ATAD1: variants seen among roughly 807,000 people sequenced by gnomAD.
The protein encoded by ATAD1 is ATPase family AAA domain containing 1.
A neutral mutation model predicts 42.7 loss-of-function variants in ATAD1; 18 were observed. The ratio of observed to expected loss-of-function variants is 0.42; its 90% confidence interval spans 0.29 to 0.63. ATAD1 has a LOEUF of 0.63. Ranked by LOEUF, ATAD1 falls within the 20% of genes least tolerant of loss-of-function variation. The probability of loss-of-function intolerance (pLI) is 0.19; values close to 1 mark genes in which losing one functional copy is unlikely to be tolerated. For synonymous variants in ATAD1, 132 were observed against 143.1 expected (o/e 0.92, Z 0.55); for missense variants, 294 against 440.4 (o/e 0.67, Z 2.98).
chr10:87,779,983 A>G (rs1855490260), intron 5 of ATAD1, among the ~76,000 whole-genome samples: 1 of 152,234 alleles, frequency 6.6e-6, no homozygotes, highest in Non-Finnish European at 1.5e-5. Flanking sequence ...TATTTCACCC[A>G]GTTGAGATGC....
chr10:87,833,645 G>A (rs929040456), intron 1 of ATAD1, among the ~76,000 whole-genome samples: 4 of 146,432 alleles, frequency 2.7e-5, no homozygotes, highest in African/African-American at 1.0e-4. Context: ...TTCTACCCTC[G>A]TCTGCTGAGA....
chr10:87,773,142 A>G (rs2131825621), intron 6 of ATAD1, among the ~76,000 whole-genome samples: 1 of 152,282 alleles, frequency 6.6e-6, no homozygotes, highest in Non-Finnish European at 1.5e-5. Context: ...CTGCACATAT[A>G]CCCCTGAATT....
chr10:87,784,674 G>A lies in ATAD1; in HGVS notation c.383-4C>T, dbSNP rs1855740361. The A allele has an allele frequency of 6.2e-7, 1 of 1,611,010 alleles. No homozygotes were observed. The highest frequency in any genetic ancestry group is 1.3e-5 in the African/African-American group (1 of 74,814). On this transcript the variant is annotated splice_region_variant and splice_polypyrimidine_tract_variant and intron_variant, in intron 4 of 9. Transcript: ENST00000680024. Reference sequence around the variant, plus strand: ...GGAGGCCCATAGAGAAGAACACCTGGAAATGAATATGTTATTTATTACCTT... The same window carrying A: ...GGAGGCCCATAGAGAAGAACACCTGAAAATGAATATGTTATTTATTACCTT...
chr10:87,807,497 AG>A (rs1856981062), intron 2 of ATAD1, among the ~76,000 whole-genome samples: 1 of 152,192 alleles, frequency 6.6e-6, no homozygotes, highest in South Asian at 2.1e-4. Context: ...AGGGGTGAAA[AG>A]GTATATCAAT....
chr10:87,792,928 G>T (rs1347301130), intron 2 of ATAD1, among the ~76,000 whole-genome samples, 173 bp from the exon 3 acceptor site: 1 of 152,154 alleles, frequency 6.6e-6, no homozygotes, highest in African/African-American at 2.4e-5. Context: ...CTCAGGTAAC[G>T]ATTTGAGGCT....
intron 1 of ATAD1, among the ~76,000 whole-genome samples, chr10:87,840,821 G>A (rs943312711): frequency 1.1e-4 from 16 of 152,124 alleles, no homozygotes; most frequent in South Asian, 8.3e-4. Context: ...ATACCAAAGC[G>A]TAGAAAGAAC....
chr10:87,756,910 C>T lies in ATAD1; in HGVS notation c.844G>A (p.Val282Ile), dbSNP rs1589454133. 1 of 1,599,964 alleles carries T rather than the reference C, an allele frequency of 6.3e-7. No homozygotes were observed. Among genetic ancestry groups the T allele is most frequent in the Non-Finnish European group, 8.5e-7 (1 of 1,175,716 alleles). The change falls in exon 9 of 10, where the codon GTA becomes ATA. Residue 282 changes from valine (V) to isoleucine (I), a missense_variant. By Grantham distance (29) the Val-to-Ile change is conservative. Around this residue, in one of 3 missense-constraint regions of ATAD1, gnomAD observed 142 missense variants for 174.6 expected, o/e 0.81. Coordinates refer to ENST00000680024, the MANE Select transcript of ATAD1 (RefSeq NM_001321967.2). ...ILKNENVDRHVDLLEVAQETD... is the reference protein window; with the variant it reads ...ILKNENVDRHIDLLEVAQETD... The stretch of plus-strand genomic sequence containing the variant: ...TCCTGGGCAACTTCTAGCAGGTCTA[C>T]ATGCCTATCCACCTTAAACAAATAT...
intron 2 of ATAD1, among the ~76,000 whole-genome samples, chr10:87,804,164 C>G (rs1856823860): frequency 6.6e-6 from 1 of 152,138 alleles, no homozygotes; most frequent in Non-Finnish European, 1.5e-5. Flanking sequence ...TCAGTACACT[C>G]CTTCACAGAA....
intron 7 of ATAD1, among the ~76,000 whole-genome samples, chr10:87,769,621 C>T (rs1854933509): frequency 6.6e-6 from 1 of 152,160 alleles, no homozygotes; most frequent in Non-Finnish European, 1.5e-5. Flanking sequence ...CAGATCCTAG[C>T]AGGTCTGTGA....
At chr10:87,782,932 A>G (rs895441874) in intron 5 of ATAD1, among the ~76,000 whole-genome samples, 1 of 152,034 alleles carries the variant, frequency 6.6e-6, no homozygotes, top group African/African-American at 2.4e-5. Context: ...GGGGAGGTCA[A>G]GGTTGCAGTG....
intron 1 of ATAD1, among the ~76,000 whole-genome samples, chr10:87,838,901 CCATT>C: frequency 6.6e-6 from 1 of 152,216 alleles, no homozygotes; most frequent in African/African-American, 2.4e-5. Context: ...GCTGTTTTCG[CCATT>C]CAGTCTATGG....
chr10:87,761,287 C>G (rs1854472411), intron 8 of ATAD1, among the ~76,000 whole-genome samples: 1 of 152,110 alleles, frequency 6.6e-6, no homozygotes, highest in East Asian at 1.9e-4. Context: ...CAGCAATTAT[C>G]CAGAGAGCAT....
intron 2 of ATAD1, among the ~76,000 whole-genome samples, chr10:87,804,039 G>C (rs1856817685): frequency 6.6e-6 from 1 of 152,184 alleles, no homozygotes; most frequent in Non-Finnish European, 1.5e-5. Context: ...ACTGGCAATG[G>C]AGTTCACAAC....
chr10:87,759,756 T>C (rs1323319592), intron 8 of ATAD1: 1 of 455,866 alleles, frequency 2.2e-6, no homozygotes, highest in Non-Finnish European at 4.4e-6. Flanking sequence ...GGCAAGTTAT[T>C]ACAAAACTTC....
chr10:87,778,420 C>A (rs572993546), intron 5 of ATAD1, among the ~76,000 whole-genome samples: 2 of 152,054 alleles, frequency 1.3e-5, no homozygotes, highest in Non-Finnish European at 2.9e-5. Flanking sequence ...AGAAGTGTTT[C>A]AAATTTCAGA....
intron 2 of ATAD1, among the ~76,000 whole-genome samples, chr10:87,793,638 A>G (rs745833375): frequency 6.6e-6 from 1 of 152,184 alleles, no homozygotes; most frequent in East Asian, 1.9e-4. Context: ...ACTACCACAC[A>G]TATTTGCCCT....
rs115867501 is a variant in ATAD1 at position 87,824,920 on chromosome 10, G to A, written c.-13-10308C>T. ...AAAACCTGTAAGATTTCATCCCTAC[G>A]ACCCAAAGATAATAAAGTTTAACGT... On this transcript the variant is annotated intron_variant, in intron 1 of 4. Transcript: ENST00000495903. Among the ~76,000 whole-genome samples the A allele has an allele frequency of 1.5e-3, 233 of 152,156 alleles. 1 individual carries two copies. The highest frequency in any genetic ancestry group is 4.6e-3 in the African/African-American group (190 of 41,508).
At chr10:87,776,565 C>T (rs530506320) in intron 5 of ATAD1, 138 bp from the exon 6 acceptor site, 15 of 602,154 alleles carry the variant, frequency 2.5e-5, no homozygotes, top group Non-Finnish European at 4.4e-5. Context: ...AACTCCCAGG[C>T]TTAAGTGATC....
intron 1 of ATAD1, chr10:87,817,700 T>C (rs987366973): frequency 2.0e-6 from 2 of 982,880 alleles, no homozygotes; most frequent in South Asian, 4.7e-5. Context: ...CAGGTTATTA[T>C]TAACATCACC....
Sources: gnomAD v4.1 joint callset for allele counts (sites outside exome capture counted in the v4.1 genomes callset) on GRCh38, gnomAD v4.1.1 for gene constraint, gnomAD v4.1.1 regional missense constraint, MANE v1.5 for transcripts, NCBI Gene and HGNC (gene_info 2026-07-23, HGNC 2026-07-21) for gene names.